PPP2R5C: variants seen among roughly 807,000 people sequenced by gnomAD.
The protein encoded by PPP2R5C is serine/threonine-protein phosphatase 2A 56 kDa regulatory subunit gamma isoform.
PPP2R5C carries 7 observed loss-of-function variants against 68.9 expected under a neutral mutation model. That is an observed-to-expected ratio of 0.10 (90% CI 0.06 to 0.19). PPP2R5C has a LOEUF of 0.19. PPP2R5C is among the 10% of genes least tolerant of loss of function. The pLI is 1.00. For missense variants in PPP2R5C, 348 were observed against 641.3 expected (o/e 0.54, Z 4.94); for synonymous variants, 210 against 222.2 (o/e 0.95, Z 0.49).
At chr14:101,790,896 C>T (rs1022034691) in intron 3 of PPP2R5C, among the ~76,000 whole-genome samples, 7 of 152,102 alleles carry the variant, frequency 4.6e-5, no homozygotes, top group Non-Finnish European at 8.8e-5. Flanking sequence ...CTGGCTAACA[C>T]GGTGAAACTC....
chr14:101,774,163 G>A (rs1168803227), intron 2 of PPP2R5C, among the ~76,000 whole-genome samples: 2 of 152,224 alleles, frequency 1.3e-5, no homozygotes, highest in Admixed American at 6.5e-5. Context: ...GTTCACACAG[G>A]CAAAGATGAG....
intron 7 of PPP2R5C, among the ~76,000 whole-genome samples, chr14:101,893,669 G>A (rs2045112628): frequency 6.6e-6 from 1 of 152,200 alleles, no homozygotes; most frequent in South Asian, 2.1e-4. Flanking sequence ...AGAATCGCTT[G>A]AACCCGGGAG....
At chr14:101,841,227 C>A (rs903853410) in intron 1 of PPP2R5C, among the ~76,000 whole-genome samples, 4 of 152,096 alleles carry the variant, frequency 2.6e-5, no homozygotes, top group African/African-American at 4.8e-5. Flanking sequence ...GTTCTTAACA[C>A]CTTTGTTTTA....
chr14:101,787,148 G>A (rs1386305965), intron 3 of PPP2R5C, among the ~76,000 whole-genome samples: 1 of 152,192 alleles, frequency 6.6e-6, no homozygotes, highest in East Asian at 1.9e-4. Context: ...TACTCAGGAG[G>A]CTGAAGTGGG....
intron 1 of PPP2R5C, among the ~76,000 whole-genome samples, chr14:101,850,020 T>C (rs1040358387): frequency 2.6e-5 from 4 of 152,186 alleles, no homozygotes; most frequent in African/African-American, 9.7e-5. Flanking sequence ...TCCACAGAAG[T>C]GTGTGTTGGA....
In PPP2R5C at chr14:101,912,285, A is replaced by C. The variant is rs1595541660; in HGVS notation, c.1254-116A>C. On this transcript the variant is annotated intron_variant, in intron 11 of 13. Transcript: ENST00000334743. ...GCACGTAAGTGTGGGGAAATGGAGC[A>C]GGGGGGCTGCGGGAGGAGCCGCTGG... is the stretch of plus-strand genomic sequence containing the variant. 4 of 736,284 alleles carry C rather than the reference A, an allele frequency of 5.4e-6. No individual in the cohort carries two copies. The Admixed American group carries it at 1.3e-4, about 24-fold the overall frequency. The allele number at this position is 736,284 out of a possible 1,614,324, so 45.6% of individuals were successfully genotyped here.
intron 1 of PPP2R5C, chr14:101,818,801 T>C: frequency 3.8e-6 from 2 of 530,984 alleles, no homozygotes; most frequent in South Asian, 2.6e-5. Flanking sequence ...TTTTAAATGT[T>C]GATATTTTGG....
intron 3 of PPP2R5C, among the ~76,000 whole-genome samples, chr14:101,802,951 TAA>T (rs571594853): frequency 1.2e-4 from 12 of 99,908 alleles, no homozygotes; most frequent in South Asian, 3.3e-4. Context: ...GGCTACTATT[TAA>T]AAAAAAAAAA....
chr14:101,882,368 C>G lies in PPP2R5C; in HGVS notation c.405+97C>G. On this transcript the variant is annotated intron_variant, in intron 3 of 13. Coordinates refer to ENST00000334743, the Ensembl canonical transcript of PPP2R5C. This position sits in a 1 kb window ranked among gnomAD's most constrained non-coding sequence, Gnocchi z 4.9. The stretch of plus-strand genomic sequence containing the variant: ...GGCGCACTGGTCTGGCCAGATGGAC[C>G]TCTCCTCCTCAGTAGCATGGGCCTC... 1 of 807,840 alleles carries G rather than the reference C, an allele frequency of 1.2e-6. No homozygotes were observed. Among genetic ancestry groups the G allele is most frequent in the Non-Finnish European group, 1.9e-6 (1 of 519,000 alleles). The allele number at this position is 807,840 out of a possible 1,614,324, so 50.0% of individuals were successfully genotyped here.
At chr14:101,857,203 T>A (rs1366423579) in intron 2 of PPP2R5C, among the ~76,000 whole-genome samples, 2 of 152,262 alleles carry the variant, frequency 1.3e-5, no homozygotes, top group Non-Finnish European at 2.9e-5. Flanking sequence ...TAAATTTTTT[T>A]AAAACATATT....
rs902175932 is a variant in PPP2R5C at position 101,917,297 on chromosome 14, A to G, written c.1327-534A>G. 3.9e-5 allele frequency among the ~76,000 whole-genome samples: 6 copies of G among 152,136 alleles called. No homozygotes were observed. Among genetic ancestry groups the G allele is most frequent in the African/African-American group, 1.4e-4 (6 of 41,410 alleles). Reference sequence around the variant, plus strand: ...GCTGCGTTTGTTTTGGTGGAGAGCAAGTCACCCGGGATGTGATGAGAGGGT... The same window carrying G: ...GCTGCGTTTGTTTTGGTGGAGAGCAGGTCACCCGGGATGTGATGAGAGGGT... On this transcript the variant is annotated intron_variant, in intron 12 of 13. Coordinates refer to ENST00000334743, the Ensembl canonical transcript of PPP2R5C. This position sits in a 1 kb window ranked among gnomAD's most constrained non-coding sequence, Gnocchi z 4.4.
At chr14:101,910,053 T>C (rs908347146) in intron 11 of PPP2R5C, among the ~76,000 whole-genome samples, 9 of 152,340 alleles carry the variant, frequency 5.9e-5, no homozygotes, top group African/African-American at 2.2e-4. Context: ...TCCTATAAGG[T>C]TTATCCCAGA....
At chr14:101,772,857 C>G (rs749265544) in intron 2 of PPP2R5C, among the ~76,000 whole-genome samples, 1 of 152,158 alleles carries the variant, frequency 6.6e-6, no homozygotes, top group Non-Finnish European at 1.5e-5. Context: ...TCACCTTCCT[C>G]CCATTCTCAG....
chr14:101,886,070 A>C (rs987448231), intron 5 of PPP2R5C, among the ~76,000 whole-genome samples: 1 of 151,976 alleles, frequency 6.6e-6, no homozygotes, highest in Non-Finnish European at 1.5e-5. Context: ...TCACAAGGTC[A>C]GGAGATCGAG....
In PPP2R5C at chr14:101,926,741, TAGTG is replaced by T. The variant is rs1009756658; in HGVS notation, c.*1472_*1475del. ...GAGGTCTCGGGTATCCTTTCAAAGA[TAGTG>T]AGAAGCAGACACTGCTCCTTGTGCA... On this transcript the variant is annotated 3_prime_UTR_variant, in exon 14 of 14. Transcript: ENST00000334743. 5.3e-5 allele frequency: 8 copies of T among 152,362 alleles called. No individual in the cohort carries two copies. The South Asian group carries it at 1.5e-3, about 28-fold the overall frequency. 9.4% of individuals were successfully genotyped at this position (152,362 alleles called of 1,614,324 possible).
At chr14:101,842,131 GA>G (rs1384834431) in intron 1 of PPP2R5C, among the ~76,000 whole-genome samples, 2 of 152,116 alleles carry the variant, frequency 1.3e-5, no homozygotes, top group African/African-American at 4.8e-5. Context: ...CCAAACACTA[GA>G]ATGTTACTCA....
At chr14:101,919,922 T>G (rs1275381677) in intron 13 of PPP2R5C, among the ~76,000 whole-genome samples, 2 of 130,302 alleles carry the variant, frequency 1.5e-5, no homozygotes, top group Non-Finnish European at 3.0e-5. Flanking sequence ...TGAGCCAAGA[T>G]GGTGCCACTG....
intron 7 of PPP2R5C, among the ~76,000 whole-genome samples, chr14:101,893,782 T>G (rs2045123540): frequency 6.6e-6 from 1 of 152,210 alleles, no homozygotes; most frequent in Non-Finnish European, 1.5e-5. Flanking sequence ...TGAATAAAGC[T>G]GTGAATTTTT....
Position 101,768,950 on chromosome 14 carries a change from G to A in PPP2R5C, c.93+5980G>A, listed in dbSNP as rs554022271. Among the ~76,000 whole-genome samples the A allele has an allele frequency of 4.5e-3, 688 of 151,318 alleles. 4 individuals are homozygous for A. Among genetic ancestry groups the A allele is most frequent in the African/African-American group, 0.016 (649 of 41,166 alleles). On this transcript the variant is annotated intron_variant, in intron 2 of 14. Transcript: ENST00000328724. ...CACCATTCTCCTGCCTCAGCCTCCC[G>A]AGTAGCTGGGACTACAGGCGCCCGC...
Sources: allele counts gnomAD v4.1 joint callset (sites outside exome capture counted in the v4.1 genomes callset), GRCh38; gene constraint gnomAD v4.1.1; non-coding constraint Gnocchi (gnomAD v3.1); transcripts MANE v1.5; gene names NCBI Gene and HGNC (gene_info 2026-07-23, HGNC 2026-07-21).